The following PKHD1 variants were observed in gnomAD, a reference collection of about 807,000 sequenced individuals.
The protein encoded by PKHD1 is PKHD1 ciliary IPT domain containing fibrocystin/polyductin.
PKHD1 carries 291 observed loss-of-function variants against 412.0 expected under a neutral mutation model. That is an observed-to-expected ratio of 0.71 (90% CI 0.64 to 0.78). PKHD1 has a LOEUF of 0.78. PKHD1 is among the 30% of genes least tolerant of loss of function. The pLI is 0.00. For synonymous variants in PKHD1, 1,777 were observed against 1,821.5 expected (o/e 0.98, Z 0.62); for missense variants, 4,825 against 4,950.7 (o/e 0.97, Z 0.76).
chr6:51,997,200 C>T (rs1036805279), intron 35 of PKHD1, among the ~76,000 whole-genome samples: 2 of 152,152 alleles, frequency 1.3e-5, no homozygotes, highest in African/African-American at 4.8e-5. Flanking sequence ...ATTGTGGCCA[C>T]AGAGAAAGCA....
At chr6:51,874,020 A>G (rs1776424504) in intron 46 of PKHD1, among the ~76,000 whole-genome samples, 1 of 152,196 alleles carries the variant, frequency 6.6e-6, no homozygotes, top group Admixed American at 6.5e-5. Context: ...TATATTGAGA[A>G]GAAAAGGGGC....
At position 51,950,036 on chromosome 6, in the gene PKHD1, A is replaced by G. The variant is rs1365651361; in HGVS notation, c.5908+9834T>C. On this transcript the variant is annotated intron_variant, in intron 36 of 66. Coordinates refer to ENST00000371117, the MANE Select transcript of PKHD1 (RefSeq NM_138694.4). ...TTGCAATACTTGCCAGAATCACTTTAACGGTATTTTAATTGTAATGTCTCT... is the reference window on the plus strand; with the variant it reads ...TTGCAATACTTGCCAGAATCACTTTGACGGTATTTTAATTGTAATGTCTCT... Among the ~76,000 whole-genome samples the G allele has an allele frequency of 2.6e-5, 4 of 151,906 alleles. No homozygotes were observed. In the East Asian group the frequency reaches 7.7e-4, roughly 29 times the overall value.
At position 51,819,592 on chromosome 6, in the gene PKHD1, T is replaced by C. The variant is rs143526533; in HGVS notation, c.8302+11269A>G. Among the ~76,000 whole-genome samples the C allele has an allele frequency of 1.6e-3, 241 of 152,320 alleles. 1 individual carries two copies. The highest frequency in any genetic ancestry group is 5.4e-3 in the African/African-American group (225 of 41,560). On this transcript the variant is annotated intron_variant, in intron 52 of 66. Coordinates refer to ENST00000371117, the MANE Select transcript of PKHD1 (RefSeq NM_138694.4). ...TCATTTTTAACTACATGCAATTACA[T>C]TTCTATCTCCCCAGCTAGGCAGTAT...
intron 48 of PKHD1, among the ~76,000 whole-genome samples, chr6:51,858,689 G>A (rs1164313284): frequency 1.3e-5 from 2 of 152,102 alleles, no homozygotes; most frequent in African/African-American, 4.8e-5. Flanking sequence ...AGAATTTTTA[G>A]TTAATGATTG....
chr6:51,857,211 C>CA (rs66714286), intron 48 of PKHD1, among the ~76,000 whole-genome samples: 5,368 of 145,174 alleles, frequency 0.037, 337 homozygotes, highest in African/African-American at 0.13. Context: ...AAGCAAAATC[C>CA]AAAAAAAAAA....
intron 60 of PKHD1, among the ~76,000 whole-genome samples, chr6:51,709,115 C>T (rs1382732713): frequency 6.6e-6 from 1 of 152,186 alleles, no homozygotes; most frequent in African/African-American, 2.4e-5. Context: ...CTGGTTATCA[C>T]ATTTGTGCTT....
chr6:51,858,393 A>C (rs1773638130), intron 48 of PKHD1, among the ~76,000 whole-genome samples: 1 of 152,190 alleles, frequency 6.6e-6, no homozygotes, highest in Non-Finnish European at 1.5e-5. Context: ...TATTTAGCAA[A>C]TAAAAATAAG....
chr6:51,850,628 C>A (rs905734657), intron 49 of PKHD1, among the ~76,000 whole-genome samples: 1 of 152,090 alleles, frequency 6.6e-6, no homozygotes, highest in Non-Finnish European at 1.5e-5. Context: ...TAGCTGTATA[C>A]GTAGGTATTT....
intron 53 of PKHD1, among the ~76,000 whole-genome samples, chr6:51,779,489 C>T (rs1045531995): frequency 6.6e-6 from 1 of 152,112 alleles, no homozygotes; most frequent in African/African-American, 2.4e-5. Context: ...TACCTGATTG[C>T]CTCCTTCTCT....
At chr6:51,776,539 C>A (rs1582626325) in intron 53 of PKHD1, among the ~76,000 whole-genome samples, 1 of 152,084 alleles carries the variant, frequency 6.6e-6, no homozygotes, top group African/African-American at 2.4e-5. Flanking sequence ...GGCTAGATAA[C>A]CTTCAAATCT....
intron 27 of PKHD1, among the ~76,000 whole-genome samples, chr6:52,039,799 T>C (rs879805169): frequency 6.6e-6 from 1 of 152,216 alleles, no homozygotes; most frequent in Non-Finnish European, 1.5e-5. Flanking sequence ...CAAATCATTG[T>C]ACACAAATAT....
chr6:51,745,655 G>C lies in PKHD1; in HGVS notation c.9998+1066C>G, dbSNP rs556610505. Among the ~76,000 whole-genome samples the C allele has an allele frequency of 2.6e-5, 4 of 152,234 alleles. No individual in the cohort carries two copies. In the South Asian group the frequency reaches 8.3e-4, roughly 32 times the overall value. On this transcript the variant is annotated intron_variant, in intron 59 of 66. Coordinates refer to ENST00000371117, the MANE Select transcript of PKHD1 (RefSeq NM_138694.4). ...GGAGGTCAAGGCTGCAGTTAGCCAT[G>C]ATTGTGCCACTGCACTTCAACCTGG... is the stretch of plus-strand genomic sequence containing the variant.
At chr6:51,677,047 A>T in intron 60 of PKHD1, among the ~76,000 whole-genome samples, 1 of 152,176 alleles carries the variant, frequency 6.6e-6, no homozygotes, top group East Asian at 1.9e-4. Flanking sequence ...ATAATATGGT[A>T]GTTCTAATTA....
rs142571019 is a variant in PKHD1 at position 51,762,665 on chromosome 6, A to ATTTTT, written c.8643-7728_8643-7727insAAAAA. Among the ~76,000 whole-genome samples, 133 of 146,354 alleles carry ATTTTT rather than the reference A, an allele frequency of 9.1e-4. 1 individual carries two copies. The East Asian group carries it at 0.017, about 18-fold the overall frequency. Reference sequence around the variant, plus strand: ...ATTATTCACATATATATATATATATATTTTCAGGTATCAAATTCTTTTGGT... The same window carrying ATTTTT: ...ATTATTCACATATATATATATATATATTTTTTTTTCAGGTATCAAATTCTTTTGGT... On this transcript the variant is annotated intron_variant, in intron 55 of 66. Coordinates refer to ENST00000371117, the MANE Select transcript of PKHD1 (RefSeq NM_138694.4).
chr6:51,829,137 A>G (rs1219950898), intron 52 of PKHD1, among the ~76,000 whole-genome samples: 1 of 152,150 alleles, frequency 6.6e-6, no homozygotes, highest in Non-Finnish European at 1.5e-5. Context: ...AGTCCTTTCT[A>G]CATCCAATGC....
intron 55 of PKHD1, among the ~76,000 whole-genome samples, chr6:51,766,225 G>A (rs1268863779): frequency 6.6e-6 from 1 of 152,030 alleles, no homozygotes; most frequent in African/African-American, 2.4e-5. Flanking sequence ...AAGAAATTCT[G>A]TACATAGAGA....
intron 39 of PKHD1, among the ~76,000 whole-genome samples, chr6:51,910,567 G>A (rs1325002913): frequency 3.3e-5 from 5 of 152,088 alleles, no homozygotes; most frequent in African/African-American, 1.2e-4. Flanking sequence ...TTGTATTTAC[G>A]ATTTGTGATG....
chr6:51,670,191 T>C (rs1256390403), intron 60 of PKHD1, among the ~76,000 whole-genome samples: 1 of 150,968 alleles, frequency 6.6e-6, no homozygotes, highest in East Asian at 2.0e-4. Context: ...TAAGTCTCTG[T>C]GTAGGTCACT....
intron 52 of PKHD1, among the ~76,000 whole-genome samples, chr6:51,814,668 C>T (rs566225796): frequency 2.0e-5 from 3 of 151,974 alleles, no homozygotes; most frequent in South Asian, 2.1e-4. Flanking sequence ...GGCCCATCAG[C>T]TCCTCAGGTG....
Sources: allele counts gnomAD v4.1 joint callset (sites outside exome capture counted in the v4.1 genomes callset), GRCh38; gene constraint gnomAD v4.1.1; transcripts MANE v1.5; gene names NCBI Gene and HGNC (gene_info 2026-07-23, HGNC 2026-07-21).